Variants in NWD2 observed in about 807,000 individuals in gnomAD.
NWD2 encodes the protein NACHT and WD repeat domain containing 2.
NWD2 carries 37 observed loss-of-function variants against 132.7 expected under a neutral mutation model. The observed-to-expected ratio is 0.28, with a 90% CI of 0.21 to 0.37. The LOEUF (loss-of-function observed/expected upper bound fraction) is 0.37, where lower values mean the gene tolerates loss of function less well. Among genes scored for constraint, NWD2 ranks in the 10% least tolerant of loss-of-function variants. The pLI, the probability that NWD2 is intolerant of heterozygous loss-of-function variation, is 1.00. For missense variants in NWD2, 1,592 were observed against 2,122.4 expected, an observed-to-expected ratio of 0.75 and a Z score of 4.91; for synonymous variants, 705 against 803.0, an observed-to-expected ratio of 0.88 and a Z score of 2.06.
intron 3 of NWD2, among the ~76,000 whole-genome samples, chr4:37,424,518 A>C (rs1711932643): frequency 6.6e-6 from 1 of 152,212 alleles, no homozygotes; most frequent in Admixed American, 6.5e-5. Flanking sequence ...TATTTTAATA[A>C]ATAGAAGCTT....
Position 37,313,154 on chromosome 4 carries a change from G to A in NWD2, c.152-12782G>A, listed in dbSNP as rs1005170781. On this transcript the variant is annotated intron_variant, in intron 1 of 6. Transcript: ENST00000309447. The stretch of plus-strand genomic sequence containing the variant: ...GAGGCTGGCCTCATAAAATGAGTTA[G>A]GGAGGATTCCCTCTTTTTCTGTTGA... Among the ~76,000 whole-genome samples, 78 of 151,260 alleles carry A rather than the reference G, an allele frequency of 5.2e-4. 2 individuals are homozygous for A. Among genetic ancestry groups the A allele is most frequent in the Middle Eastern group, 3.4e-3 (1 of 294 alleles).
chr4:37,433,550 T>C lies in NWD2; in HGVS notation c.562-326T>C, dbSNP rs923447344. 2.6e-4 allele frequency among the ~76,000 whole-genome samples: 39 copies of C among 152,286 alleles called. 1 individual carries two copies. The highest frequency in any genetic ancestry group is 4.4e-4 in the Non-Finnish European group (30 of 68,022). On this transcript the variant is annotated intron_variant, in intron 4 of 6. Transcript: ENST00000309447. ...ACATAAGAGCACCTCCCCTTTAACT[T>C]TCTCTCCGCTTTGGAGGACACCAGA...
intron 6 of NWD2, among the ~76,000 whole-genome samples, chr4:37,440,757 C>T (rs1254540917): frequency 1.3e-5 from 2 of 152,106 alleles, no homozygotes; most frequent in African/African-American, 4.8e-5. Context: ...TGGAACCTCA[C>T]TTTGGAATGT....
At chr4:37,359,650 T>C (rs1354261473) in intron 3 of NWD2, among the ~76,000 whole-genome samples, 1 of 152,192 alleles carries the variant, frequency 6.6e-6, no homozygotes, top group Non-Finnish European at 1.5e-5. Context: ...CTTTAGCCTT[T>C]ATGTTAGGTC....
At chr4:37,348,314 G>A (rs1280015560) in intron 2 of NWD2, among the ~76,000 whole-genome samples, 2 of 152,036 alleles carry the variant, frequency 1.3e-5, no homozygotes, top group African/African-American at 4.8e-5. Flanking sequence ...AATGGCCTCA[G>A]CCATTTAGTT....
intron 1 of NWD2, among the ~76,000 whole-genome samples, chr4:37,263,003 TG>T (rs1305483719): frequency 3.9e-5 from 6 of 152,140 alleles, no homozygotes; most frequent in Non-Finnish European, 8.8e-5. Flanking sequence ...ATGAAGTTCA[TG>T]GAGCCGAGAC....
chr4:37,332,510 A>T (rs1719315640), intron 2 of NWD2, among the ~76,000 whole-genome samples: 1 of 151,668 alleles, frequency 6.6e-6, no homozygotes, highest in African/African-American at 2.4e-5. Context: ...TTGCTGACTA[A>T]AGAGCCATGA....
intron 1 of NWD2, among the ~76,000 whole-genome samples, chr4:37,304,944 C>T (rs1411742091): frequency 6.6e-6 from 1 of 152,220 alleles, no homozygotes; most frequent in South Asian, 2.1e-4. Flanking sequence ...TTCCTCACTG[C>T]CCTAGTAGAG....
intron 1 of NWD2, among the ~76,000 whole-genome samples, chr4:37,304,357 T>G (rs564207132): frequency 1.3e-5 from 2 of 151,378 alleles, no homozygotes; most frequent in South Asian, 4.2e-4. Flanking sequence ...CAAACCATAT[T>G]ATTCTACCCC....
rs143014947 is a variant in NWD2, at chr4:37,321,181, C to T, written c.152-4755C>T. Reference sequence around the variant, plus strand: ...AAAAAAAAGAGAAAGAAAAAAATGACTAAAGTCCATGCCTTTAGTTTGTTG... The same window carrying T: ...AAAAAAAAGAGAAAGAAAAAAATGATTAAAGTCCATGCCTTTAGTTTGTTG... On this transcript the variant is annotated intron_variant, in intron 1 of 6. Coordinates refer to ENST00000309447, the MANE Select transcript of NWD2 (RefSeq NM_001144990.2). Among the ~76,000 whole-genome samples the T allele has an allele frequency of 3.4e-3, 512 of 152,196 alleles. 4 individuals are homozygous for T. The highest frequency in any genetic ancestry group is 0.012 in the African/African-American group (478 of 41,540).
intron 1 of NWD2, among the ~76,000 whole-genome samples, chr4:37,281,343 T>C (rs1314992202): frequency 6.6e-6 from 1 of 150,982 alleles, no homozygotes; most frequent in Non-Finnish European, 1.5e-5. Context: ...TAGTAGAATC[T>C]ACATTTTTTT....
intron 3 of NWD2, among the ~76,000 whole-genome samples, chr4:37,406,812 T>C (rs1013174322): frequency 6.6e-6 from 1 of 152,076 alleles, no homozygotes; most frequent in Non-Finnish European, 1.5e-5. Flanking sequence ...AGGAGAATTG[T>C]TTGAACCCAG....
chr4:37,361,231 A>G (rs1175270885), intron 3 of NWD2, among the ~76,000 whole-genome samples: 1 of 152,146 alleles, frequency 6.6e-6, no homozygotes, highest in Non-Finnish European at 1.5e-5. Context: ...TCACAGACAA[A>G]TTCCACCAGA....
chr4:37,281,222 A>G (rs1321434611), intron 1 of NWD2, among the ~76,000 whole-genome samples: 1 of 152,166 alleles, frequency 6.6e-6, no homozygotes, highest in African/African-American at 2.4e-5. Context: ...TTTCCTAGGA[A>G]GGATCTCATC....
intron 2 of NWD2, among the ~76,000 whole-genome samples, chr4:37,343,409 T>C (rs775267510): frequency 4.6e-5 from 7 of 152,230 alleles, no homozygotes; most frequent in Non-Finnish European, 8.8e-5. Flanking sequence ...GATTTTACTT[T>C]CTTGAAAGAG....
At position 37,444,005 on chromosome 4, in the gene NWD2, A is replaced by C; in HGVS notation, c.2017A>C (p.Ser673Arg). The C allele has an allele frequency of 6.4e-7, 1 of 1,552,228 alleles. No homozygotes were observed. The highest frequency in any genetic ancestry group is 8.7e-7 in the Non-Finnish European group (1 of 1,147,124). Reference sequence around the variant, plus strand: ...CATCACCATGGCCAAAATGGGTCTGAGTGAAATGGAACTGGAGGATGTGTT... The same window carrying C: ...CATCACCATGGCCAAAATGGGTCTGCGTGAAATGGAACTGGAGGATGTGTT... ...GYITMAKMGLSEMELEDVLAL... is the reference protein window; with the variant it reads ...GYITMAKMGLREMELEDVLAL... The change falls in exon 7 of 7, where the codon AGT becomes CGT. Residue 673 changes from serine (S) to arginine (R), a missense_variant. Transcript: ENST00000309447. This position sits in a 1 kb window ranked among gnomAD's most constrained non-coding sequence, Gnocchi z 4.8.
intron 1 of NWD2, among the ~76,000 whole-genome samples, chr4:37,273,292 T>A (rs563855903): frequency 2.0e-5 from 3 of 151,992 alleles, no homozygotes; most frequent in African/African-American, 7.2e-5. Context: ...TAGGCTCTGA[T>A]AAAACAGATT....
Position 37,447,284 on chromosome 4 carries a change from A to G in NWD2, c.*67A>G. The G allele has an allele frequency of 3.4e-6, 4 of 1,163,864 alleles. No individual in the cohort carries two copies. The highest frequency in any genetic ancestry group is 2.4e-4 in the Middle Eastern group (1 of 4,166). The allele number at this position is 1,163,864 out of a possible 1,614,324, so 72.1% of individuals were successfully genotyped here. ...CAGAAGGGAAAAAAATGTGCCCCAAATGATAAACTATTCATTTATTAAAAG... is the reference window on the plus strand; with the variant it reads ...CAGAAGGGAAAAAAATGTGCCCCAAGTGATAAACTATTCATTTATTAAAAG... On this transcript the variant is annotated 3_prime_UTR_variant, in exon 7 of 7. Coordinates refer to ENST00000309447, the MANE Select transcript of NWD2 (RefSeq NM_001144990.2).
chr4:37,445,279 C>A lies in NWD2; in HGVS notation c.3291C>A (p.Cys1097Ter), dbSNP rs1335068883. Residue 1097 changes from cysteine to a stop codon, truncating the protein, a stop_gained, in exon 7 of 7, where the codon TGC (cysteine) becomes TGA (stop). Coordinates refer to ENST00000309447, the MANE Select transcript of NWD2 (RefSeq NM_001144990.2). LOFTEE classifies it high-confidence loss of function. This position sits in a 1 kb window ranked among gnomAD's most constrained non-coding sequence, Gnocchi z 4.7. Reference sequence around the variant, plus strand: ...GATGGCCGCTTTACCAGTTCCACTGCTGGTATGAAGTGACGTGCGTCCAGT... The same window carrying A: ...GATGGCCGCTTTACCAGTTCCACTGATGGTATGAAGTGACGTGCGTCCAGT... ...LYGWPLYQFHCWYEVTCVQCS... is the reference protein window; with the variant it reads ...LYGWPLYQFH The A allele has an allele frequency of 6.4e-7, 1 of 1,551,944 alleles. No homozygotes were observed. Among genetic ancestry groups the A allele is most frequent in the Admixed American group, 2.0e-5 (1 of 51,012 alleles).
Sources: gnomAD v4.1 joint callset for allele counts (sites outside exome capture counted in the v4.1 genomes callset) on GRCh38, gnomAD v4.1.1 for gene constraint, Gnocchi (gnomAD v3.1) non-coding constraint, MANE v1.5 for transcripts, NCBI Gene and HGNC (gene_info 2026-07-23, HGNC 2026-07-21) for gene names.